PDE4DIP: variants seen among roughly 807,000 people sequenced by gnomAD.
PDE4DIP encodes the protein myomegalin.
In PDE4DIP, 59 loss-of-function variants were observed where a neutral mutation model predicts 221.4. The ratio of observed to expected loss-of-function variants is 0.27; its 90% CI spans 0.22 to 0.33. The LOEUF is 0.33. Ranked by LOEUF, PDE4DIP falls within the 10% of genes least tolerant of loss-of-function variation. The pLI, the probability that PDE4DIP is intolerant of heterozygous loss-of-function variation, is 1.00. For synonymous variants in PDE4DIP, 404 were observed against 815.9 expected, an observed-to-expected ratio of 0.50 and a Z score of 8.60; for missense variants, 1,036 against 2,154.2, an observed-to-expected ratio of 0.48 and a Z score of 10.28.
At chr1:148,902,919 C>T (rs1311594850) in intron 1 of PDE4DIP, among the ~76,000 whole-genome samples, 1 of 133,868 alleles carries the variant, frequency 7.5e-6, no homozygotes, top group African/African-American at 3.0e-5. Flanking sequence ...TAGGTAGATA[C>T]CCTGTAGTGG....
chr1:148,822,539 A>G (rs1318299307), intron 1 of PDE4DIP, among the ~76,000 whole-genome samples: 1 of 151,418 alleles, frequency 6.6e-6, no homozygotes, highest in Non-Finnish European at 1.5e-5. Flanking sequence ...CACCCTGTCC[A>G]TGGAAAAGTT....
Position 149,010,662 on chromosome 1 carries a change from C to T in PDE4DIP, c.5080+67C>T, listed in dbSNP as rs587648768. 2.4e-5 allele frequency: 37 copies of T among 1,531,470 alleles called. No homozygotes were observed. In the East Asian group the frequency reaches 7.6e-4, roughly 32 times the overall value. 94.9% of individuals were successfully genotyped at this position (1,531,470 alleles called of 1,614,324 possible). ...CTCTGCTGCCTGTTTGATTTTTCTTCAACGACAGAGGTTTGGACTGTTAGG... is the reference window on the plus strand; with the variant it reads ...CTCTGCTGCCTGTTTGATTTTTCTTTAACGACAGAGGTTTGGACTGTTAGG... On this transcript the variant is annotated intron_variant, in intron 31 of 43. Coordinates refer to ENST00000369354, the Ensembl canonical transcript of PDE4DIP.
At chr1:148,973,467 A>G (rs1553533631) in intron 16 of PDE4DIP, among the ~76,000 whole-genome samples, 1 of 152,004 alleles carries the variant, frequency 6.6e-6, no homozygotes, top group Non-Finnish European at 1.5e-5. Flanking sequence ...ACTAGCAATG[A>G]ATATTTTTAA....
chr1:148,994,582 T>TTATA (rs10543456), intron 22 of PDE4DIP, among the ~76,000 whole-genome samples: 26 of 150,616 alleles, frequency 1.7e-4, no homozygotes, highest in African/African-American at 3.7e-4. Context: ...GGGTATATGA[T>TTATA]TATATATATA....
intron 5 of PDE4DIP, among the ~76,000 whole-genome samples, chr1:148,954,220 G>A (rs1364939005): frequency 1.3e-5 from 2 of 151,352 alleles, no homozygotes; most frequent in Non-Finnish European, 2.9e-5. Context: ...CTCATTTCTG[G>A]CACTAGAACT....
chr1:148,985,363 A>G (rs1324766000), intron 21 of PDE4DIP: 1 of 151,942 alleles, frequency 6.6e-6, no homozygotes, highest in Non-Finnish European at 1.5e-5. Flanking sequence ...TATAGTGTAT[A>G]TTTCAGTTAT....
chr1:148,934,517 A>G (rs1553473508), intron 4 of PDE4DIP, among the ~76,000 whole-genome samples: 1 of 152,238 alleles, frequency 6.6e-6, no homozygotes, highest in Non-Finnish European at 1.5e-5. Context: ...TGCAGATACC[A>G]TGAGGGAATT....
chr1:149,010,589 C>T (rs2068308084), exon 31 of PDE4DIP: 1 of 1,613,978 alleles, frequency 6.2e-7, no homozygotes. Context: ...CAACCAGGCC[C>T]ATTCAGGTAT....
chr1:149,012,893 A>G (rs1553606958), intron 32 of PDE4DIP, 117 bp downstream of exon 35: 2 of 569,326 alleles, frequency 3.5e-6, no homozygotes, highest in South Asian at 5.2e-5. Flanking sequence ...TTACAAATGT[A>G]AGAGGGAGGG....
At chr1:148,997,799 C>T (rs1484705351) in intron 22 of PDE4DIP, among the ~76,000 whole-genome samples, 1 of 152,168 alleles carries the variant, frequency 6.6e-6, no homozygotes, top group African/African-American at 2.4e-5. Flanking sequence ...AGGGCTCTGT[C>T]TCCTCAGGAA....
chr1:148,968,906 G>T (rs374875259), exon 14 of PDE4DIP: 1 of 1,613,092 alleles, frequency 6.2e-7, no homozygotes, highest in Admixed American at 1.7e-5. Context: ...CTGTGCCAGC[G>T]TCTACAGCGA....
chr1:149,018,360 C>A, intron 34 of PDE4DIP, 182 bp from the exon 38 acceptor site: 2 of 461,422 alleles, frequency 4.3e-6, no homozygotes, highest in Non-Finnish European at 7.9e-6. Flanking sequence ...TGTGATGATG[C>A]ACGCAAAGAA....
At chr1:148,995,970 G>A (rs2064133734) in intron 22 of PDE4DIP, among the ~76,000 whole-genome samples, 1 of 151,296 alleles carries the variant, frequency 6.6e-6, no homozygotes, top group Non-Finnish European at 1.5e-5. Flanking sequence ...TCCACTTTGA[G>A]ATGGAAATAT....
At chr1:148,896,442 A>AT (rs1461949137) in intron 1 of PDE4DIP, among the ~76,000 whole-genome samples, 1 of 149,862 alleles carries the variant, frequency 6.7e-6, no homozygotes, top group East Asian at 2.0e-4. Context: ...GCCTTATTTA[A>AT]TTAGTGGCTA....
chr1:149,009,403 TCTACACCCCAC>T (rs2067916810), intron 29 of PDE4DIP, 154 bp from the exon 33 acceptor site: 1 of 605,654 alleles, frequency 1.7e-6, no homozygotes, highest in South Asian at 2.0e-5. Flanking sequence ...TCTCTCTCCA[TCTACACCCCAC>T]CTACACTCCA....
intron 1 of PDE4DIP, among the ~76,000 whole-genome samples, chr1:148,926,708 A>G (rs1346109345): frequency 1.3e-5 from 2 of 151,864 alleles, no homozygotes; most frequent in Non-Finnish European, 2.9e-5. Context: ...CATTTCCCAC[A>G]TAATTGAATG....
In PDE4DIP at chr1:148,951,950, G is replaced by C. The variant is rs1370020766; in HGVS notation, c.637-8704G>C. The C allele has an allele frequency of 3.5e-6, 3 of 868,098 alleles. No homozygotes were observed. In the African/African-American group the frequency reaches 5.4e-5, roughly 16 times the overall value. The allele number at this position is 868,098 out of a possible 1,614,324, so 53.8% of individuals were successfully genotyped here. ...CCTCAGGCCCTTAGAACCCAGGCGG[G>C]GCGGGGCCGGGAAAGGTGAGGCTGC... On this transcript the variant is annotated intron_variant, in intron 5 of 43. Transcript: ENST00000369354.
At chr1:148,906,944 G>C (rs1553450793) in intron 1 of PDE4DIP, among the ~76,000 whole-genome samples, 1 of 150,566 alleles carries the variant, frequency 6.6e-6, no homozygotes, top group Non-Finnish European at 1.5e-5. Context: ...AGCTACTTGG[G>C]AAGCTGACAC....
At chr1:149,017,248 G>A (rs1236778542) in intron 33 of PDE4DIP, among the ~76,000 whole-genome samples, 2 of 150,512 alleles carry the variant, frequency 1.3e-5, no homozygotes, top group Admixed American at 6.6e-5. Flanking sequence ...GAAGCATTCA[G>A]TGTCAGTCAT....
Sources: allele counts gnomAD v4.1 joint callset (sites outside exome capture counted in the v4.1 genomes callset), GRCh38; gene constraint gnomAD v4.1.1; transcripts MANE v1.5; gene names NCBI Gene and HGNC (gene_info 2026-07-23, HGNC 2026-07-21).